CCDC102B: variants seen among roughly 807,000 people sequenced by gnomAD.
CCDC102B encodes the protein coiled-coil domain-containing protein 102B.
A neutral mutation model predicts 57.4 loss-of-function variants in CCDC102B; 75 were observed. The observed-to-expected ratio is 1.31, with a 90% confidence interval of 1.08 to 1.58. The LOEUF (loss-of-function observed/expected upper bound fraction) is 1.58. Among genes scored for constraint, CCDC102B ranks in the 40% most tolerant of loss-of-function variants. The probability of loss-of-function intolerance (pLI) is 0.00; values close to 1 mark genes in which losing one functional copy is unlikely to be tolerated. For missense variants in CCDC102B, 636 were observed against 582.6 expected (o/e 1.09, Z -0.94); for synonymous variants, 206 against 201.9 (o/e 1.02, Z -0.17).
intron 2 of CCDC102B, among the ~76,000 whole-genome samples, chr18:68,765,363 A>AAG (rs1174338251): frequency 1.3e-3 from 184 of 144,916 alleles, no homozygotes; most frequent in African/African-American, 4.6e-3. Context: ...GAAAGAAAGA[A>AAG]AGAAAGAAAG....
chr18:68,927,004 C>T (rs2041495023), intron 6 of CCDC102B, among the ~76,000 whole-genome samples: 1 of 151,894 alleles, frequency 6.6e-6, no homozygotes, highest in South Asian at 2.1e-4. Flanking sequence ...ATATCTTATA[C>T]AAAGCCTATA....
chr18:68,970,111 A>G (rs763861919), intron 6 of CCDC102B, among the ~76,000 whole-genome samples: 2 of 152,114 alleles, frequency 1.3e-5, no homozygotes, highest in Non-Finnish European at 2.9e-5. Flanking sequence ...TTCATAAAAT[A>G]TATTAGCAAA....
chr18:68,729,240 G>C (rs534291569), intron 2 of CCDC102B, among the ~76,000 whole-genome samples: 1 of 152,066 alleles, frequency 6.6e-6, no homozygotes, highest in Non-Finnish European at 1.5e-5. Flanking sequence ...GCACTGCAGT[G>C]GATAGATAAC....
chr18:68,968,428 C>T (rs1416592736), intron 6 of CCDC102B, among the ~76,000 whole-genome samples: 2 of 152,042 alleles, frequency 1.3e-5, no homozygotes, highest in Non-Finnish European at 2.9e-5. Context: ...TCCCAGACAC[C>T]CTTCACTATT....
At chr18:68,857,387 T>A (rs1248022322) in intron 4 of CCDC102B, among the ~76,000 whole-genome samples, 2 of 122,310 alleles carry the variant, frequency 1.6e-5, no homozygotes, top group African/African-American at 6.3e-5. Flanking sequence ...AAATATATAT[T>A]TATTATTTAA....
intron 2 of CCDC102B, among the ~76,000 whole-genome samples, chr18:68,746,494 G>T (rs1661084652): frequency 6.6e-6 from 1 of 152,076 alleles, no homozygotes; most frequent in African/African-American, 2.4e-5. Flanking sequence ...CACAAAAAAT[G>T]ACAAAGTCCC....
At chr18:68,977,658 TGATGAC>T (rs1308965935) in intron 6 of CCDC102B, among the ~76,000 whole-genome samples, 102 of 152,118 alleles carry the variant, frequency 6.7e-4, no homozygotes, top group African/African-American at 2.4e-3. Context: ...ATGATGATGA[TGATGAC>T]GATGACTGTA....
At chr18:68,808,681 T>G (rs2036130846) in intron 1 of CCDC102B, among the ~76,000 whole-genome samples, 1 of 152,204 alleles carries the variant, frequency 6.6e-6, no homozygotes, top group East Asian at 1.9e-4. Flanking sequence ...GGTTTCACCG[T>G]ATTAGCCAGG....
In CCDC102B at chr18:68,906,518, TA is replaced by T. The variant is rs368661401; in HGVS notation, c.1263+9091del. Among the ~76,000 whole-genome samples the T allele has an allele frequency of 1.0e-3, 156 of 152,348 alleles. 1 individual carries two copies. The South Asian group carries it at 0.02, about 20-fold the overall frequency. The stretch of plus-strand genomic sequence containing the variant: ...TGTGTTTTTGTTTTGTTTTGTTTTT[TA>T]TTTTTGAATTATACTCATCCCAGTG... On this transcript the variant is annotated intron_variant, in intron 6 of 7. Transcript: ENST00000360242.
chr18:68,998,995 T>G (rs547804059), intron 6 of CCDC102B, among the ~76,000 whole-genome samples: 706 of 42,454 alleles, frequency 0.017, 9 homozygotes, highest in Middle Eastern at 0.044. Context: ...TATATATATA[T>G]ATATAGAGAG....
chr18:68,897,543 T>C lies in CCDC102B; in HGVS notation c.1263+115T>C, dbSNP rs767825918. 6.5e-6 allele frequency: 10 copies of C among 1,550,036 alleles called. No homozygotes were observed. In the Admixed American group the frequency reaches 1.7e-4, roughly 26 times the overall value. Reference sequence around the variant, plus strand: ...TTTGGATATTTCCTTTTGTGCCAGCTAATACCTGATACTCCTTGCTCTTTT... The same window carrying C: ...TTTGGATATTTCCTTTTGTGCCAGCCAATACCTGATACTCCTTGCTCTTTT... On this transcript the variant is annotated intron_variant, in intron 6 of 7. Transcript: ENST00000360242.
intron 2 of CCDC102B, among the ~76,000 whole-genome samples, chr18:68,751,718 T>C (rs1383717528): frequency 1.3e-5 from 2 of 152,102 alleles, no homozygotes; most frequent in African/African-American, 2.4e-5. Flanking sequence ...TCTGGAAATA[T>C]GTAATCCGCA....
intron 4 of CCDC102B, among the ~76,000 whole-genome samples, chr18:68,849,012 T>A (rs2038002369): frequency 6.6e-6 from 1 of 152,142 alleles, no homozygotes; most frequent in Non-Finnish European, 1.5e-5. Flanking sequence ...CTTTTTGTGA[T>A]CATAACAATG....
chr18:69,015,713 A>AT (rs1201797642), intron 7 of CCDC102B, among the ~76,000 whole-genome samples: 1 of 152,170 alleles, frequency 6.6e-6, no homozygotes, highest in Non-Finnish European at 1.5e-5. Context: ...TAAACAAAGA[A>AT]TTTCTTTTTT....
At chr18:68,985,383 C>T (rs188913728) in intron 6 of CCDC102B, among the ~76,000 whole-genome samples, 4 of 152,220 alleles carry the variant, frequency 2.6e-5, no homozygotes, top group African/African-American at 9.6e-5. Flanking sequence ...CCACTACTCT[C>T]ATAAAACGTA....
At chr18:68,905,572 A>G (rs1023707321) in intron 6 of CCDC102B, among the ~76,000 whole-genome samples, 8 of 55,834 alleles carry the variant, frequency 1.4e-4, no homozygotes, top group Non-Finnish European at 2.8e-4. Flanking sequence ...TAGATTCACA[A>G]TGTTATGGGA....
intron 6 of CCDC102B, among the ~76,000 whole-genome samples, chr18:68,932,408 A>G (rs929767265): frequency 6.6e-6 from 1 of 151,926 alleles, no homozygotes; most frequent in African/African-American, 2.4e-5. Context: ...ACTTTTCTTA[A>G]CAGTAACCAG....
At chr18:68,819,125 A>G (rs1046866551) in intron 1 of CCDC102B, among the ~76,000 whole-genome samples, 5 of 152,176 alleles carry the variant, frequency 3.3e-5, no homozygotes, top group Admixed American at 2.0e-4. Flanking sequence ...AATACTTTTT[A>G]TAAATATTTT....
At chr18:68,894,128 C>T (rs1014401529) in intron 5 of CCDC102B, among the ~76,000 whole-genome samples, 4 of 152,076 alleles carry the variant, frequency 2.6e-5, no homozygotes, top group Admixed American at 2.0e-4. Flanking sequence ...TAAAAAGATG[C>T]CCAATGTTAC....
Sources: allele counts gnomAD v4.1 joint callset (sites outside exome capture counted in the v4.1 genomes callset), GRCh38; gene constraint gnomAD v4.1.1; transcripts MANE v1.5; gene names NCBI Gene and HGNC (gene_info 2026-07-23, HGNC 2026-07-21).